The following ITPR1 variants were observed in gnomAD, a reference collection of about 807,000 sequenced individuals.
ITPR1 encodes inositol 1,4,5-trisphosphate-gated calcium channel ITPR1.
ITPR1 carries 96 observed loss-of-function variants against 318.4 expected under a neutral mutation model. That is an observed-to-expected ratio of 0.30 (90% confidence interval 0.26 to 0.36). The LOEUF (loss-of-function observed/expected upper bound fraction) is 0.36. ITPR1 is among the 10% of genes least tolerant of loss of function. The pLI, the probability that ITPR1 is intolerant of heterozygous loss-of-function variation, is 1.00. For synonymous variants in ITPR1, 1,312 were observed against 1,289.9 expected, an observed-to-expected ratio of 1.02 and a Z score of -0.37; for missense variants, 2,440 against 3,460.2, an observed-to-expected ratio of 0.71 and a Z score of 7.40.
chr3:4,781,240 G>A (rs1224167437), intron 49 of ITPR1, among the ~76,000 whole-genome samples: 10 of 152,192 alleles, frequency 6.6e-5, no homozygotes, highest in Admixed American at 5.9e-4. Context: ...AATAATTCAT[G>A]GGAATGGCCT....
Position 4,649,746 on chromosome 3 carries a change from A to G in ITPR1, c.856-2377A>G, listed in dbSNP as rs114013637. ...TTTCTTACAGTTCTGGAGGCTGGAA[A>G]TCTAAGATCAAGGCACTGGCAGATT... On this transcript the variant is annotated intron_variant, in intron 10 of 61. Coordinates refer to ENST00000649015, the MANE Select transcript of ITPR1 (RefSeq NM_001378452.1). Among the ~76,000 whole-genome samples, 484 of 152,334 alleles carry G rather than the reference A, an allele frequency of 3.2e-3. 1 individual carries two copies. The highest frequency in any genetic ancestry group is 0.011 in the African/African-American group (465 of 41,562).
intron 4 of ITPR1, among the ~76,000 whole-genome samples, chr3:4,587,363 T>C (rs1273870469): frequency 7.1e-6 from 1 of 140,702 alleles, no homozygotes; most frequent in Middle Eastern, 3.5e-3. Flanking sequence ...AACCTCCACC[T>C]CCCGGGTTCA....
chr3:4,522,985 G>C (rs1486153604), intron 4 of ITPR1, among the ~76,000 whole-genome samples: 3 of 152,250 alleles, frequency 2.0e-5, no homozygotes, highest in Non-Finnish European at 4.4e-5. Context: ...GGGATTTTGA[G>C]TTAACTGGGC....
chr3:4,515,009 T>A (rs2082082135), intron 2 of ITPR1, among the ~76,000 whole-genome samples: 1 of 152,196 alleles, frequency 6.6e-6, no homozygotes, highest in South Asian at 2.1e-4. Flanking sequence ...AGATGCTGGC[T>A]CTTTTGTTTG....
chr3:4,780,473 G>A (rs1264216576), intron 49 of ITPR1, among the ~76,000 whole-genome samples: 2 of 152,224 alleles, frequency 1.3e-5, no homozygotes, highest in African/African-American at 4.8e-5. Context: ...GTTGCAGGCT[G>A]TGAGACGAGC....
In ITPR1 at chr3:4,731,259, C is replaced by G. The variant is rs751975253; in HGVS notation, c.5221-1829C>G. Among the ~76,000 whole-genome samples, 17 of 152,122 alleles carry G rather than the reference C, an allele frequency of 1.1e-4. 1 individual carries two copies. Among genetic ancestry groups the G allele is most frequent in the Non-Finnish European group, 1.9e-4 (13 of 68,042 alleles). On this transcript the variant is annotated intron_variant, in intron 42 of 61. Coordinates refer to ENST00000649015, the MANE Select transcript of ITPR1 (RefSeq NM_001378452.1). ...GAGTGCTGATGTGTTTATACTGGTG[C>G]CTGAGACTGGAATACCAGTAAAGTT... is the stretch of plus-strand genomic sequence containing the variant.
At position 4,710,583 on chromosome 3, in the gene ITPR1, G is replaced by A. The variant is rs1200276540; in HGVS notation, c.4991+110G>A. ...GTCCTGTTTTTTAACTTTGATGAAT[G>A]CAAGGTCATGTGCTAAAGTCCTGTT... On this transcript the variant is annotated intron_variant, in intron 38 of 61. Transcript: ENST00000649015. The surrounding 1 kb of genome is among the most constrained non-coding windows in gnomAD (Gnocchi z 4.2). 4.6e-6 allele frequency: 5 copies of A among 1,096,546 alleles called. No individual in the cohort carries two copies. The highest frequency in any genetic ancestry group is 1.6e-5 in the South Asian group (1 of 61,228). 67.9% of individuals were successfully genotyped at this position (1,096,546 alleles called of 1,614,324 possible). A position where few individuals can be genotyped will look rare whatever the true frequency, so the allele number is the denominator to read the frequency against.
intron 10 of ITPR1, among the ~76,000 whole-genome samples, chr3:4,647,291 A>G (rs4630930): frequency 0.97 from 148,289 of 152,306 alleles, 72,316 homozygotes; most frequent in East Asian, 1. Context: ...TTGCTAATCT[A>G]TTCACCTGCT....
intron 4 of ITPR1, among the ~76,000 whole-genome samples, chr3:4,546,992 G>C (rs1329219325): frequency 1.3e-5 from 2 of 152,148 alleles, no homozygotes; most frequent in Non-Finnish European, 2.9e-5. Context: ...CTAGCAGTGT[G>C]ACCTCCAATA....
chr3:4,714,739 T>A (rs966688870), intron 39 of ITPR1, among the ~76,000 whole-genome samples: 17 of 152,214 alleles, frequency 1.1e-4, no homozygotes, highest in African/African-American at 3.6e-4. Context: ...TCATTCAACT[T>A]TAGTACTTAG....
At chr3:4,730,888 C>T (rs1379767071) in intron 42 of ITPR1, among the ~76,000 whole-genome samples, 4 of 152,164 alleles carry the variant, frequency 2.6e-5, no homozygotes, top group Non-Finnish European at 5.9e-5. Context: ...GCTACGTTGG[C>T]TGTCTTCCCT....
intron 42 of ITPR1, among the ~76,000 whole-genome samples, chr3:4,732,796 T>A (rs2043017310): frequency 6.6e-6 from 1 of 152,194 alleles, no homozygotes; most frequent in Non-Finnish European, 1.5e-5. Flanking sequence ...CCAAAGAGAT[T>A]TTTGTTTGTT....
At chr3:4,675,798 T>C (rs2094172724) in intron 23 of ITPR1, among the ~76,000 whole-genome samples, 1 of 152,264 alleles carries the variant, frequency 6.6e-6, no homozygotes, top group African/African-American at 2.4e-5. Flanking sequence ...CAATTATTGT[T>C]AACTGGTCTT....
chr3:4,609,961 G>A (rs938614541), intron 4 of ITPR1, among the ~76,000 whole-genome samples: 11 of 152,116 alleles, frequency 7.2e-5, no homozygotes, highest in South Asian at 4.2e-4. Flanking sequence ...AGGGATGCCC[G>A]GCCCAGATGA....
chr3:4,531,210 C>T (rs1317368480), intron 4 of ITPR1, among the ~76,000 whole-genome samples: 2 of 152,196 alleles, frequency 1.3e-5, no homozygotes, highest in Non-Finnish European at 2.9e-5. Flanking sequence ...GCTCAGAAAA[C>T]ACTTGAGGCT....
chr3:4,646,246 G>C (rs1171391383), intron 10 of ITPR1, among the ~76,000 whole-genome samples: 2 of 152,242 alleles, frequency 1.3e-5, no homozygotes, highest in African/African-American at 2.4e-5. Context: ...AAGGTGGTAA[G>C]AGGCATATTC....
chr3:4,819,002 C>T (rs1187379435), intron 60 of ITPR1, among the ~76,000 whole-genome samples: 1 of 152,198 alleles, frequency 6.6e-6, no homozygotes, highest in Non-Finnish European at 1.5e-5. Flanking sequence ...GTGATTCACG[C>T]TGGCTGCCTC....
intron 4 of ITPR1, among the ~76,000 whole-genome samples, chr3:4,616,111 G>C (rs2092378881): frequency 6.6e-6 from 1 of 152,342 alleles, no homozygotes. Flanking sequence ...TGTTTCACTG[G>C]TTTCCTCTTG....
intron 46 of ITPR1, among the ~76,000 whole-genome samples, chr3:4,770,318 A>T (rs1020855147): frequency 1.3e-5 from 2 of 152,218 alleles, no homozygotes; most frequent in Admixed American, 1.3e-4. Context: ...CTAAGAAATT[A>T]TATTGTTAAT....
Sources: gnomAD v4.1 joint callset for allele counts (sites outside exome capture counted in the v4.1 genomes callset) on GRCh38, gnomAD v4.1.1 for gene constraint, Gnocchi (gnomAD v3.1) non-coding constraint, MANE v1.5 for transcripts, NCBI Gene and HGNC (gene_info 2026-07-23, HGNC 2026-07-21) for gene names.